TBC1D22A: variants seen among roughly 807,000 people sequenced by gnomAD.
TBC1D22A encodes the protein putative GTPase activator.
A neutral mutation model predicts 60.2 loss-of-function variants in TBC1D22A; 38 were observed. The observed-to-expected ratio is 0.63, with a 90% CI of 0.49 to 0.83. The LOEUF is 0.83. Among genes scored for constraint, TBC1D22A ranks in the 40% least tolerant of loss-of-function variants. The pLI, the probability that TBC1D22A is intolerant of heterozygous loss-of-function variation, is 0.00. For synonymous variants in TBC1D22A, 302 were observed against 281.7 expected (o/e 1.07, Z -0.72); for missense variants, 628 against 701.0 (o/e 0.90, Z 1.18).
intron 11 of TBC1D22A, among the ~76,000 whole-genome samples, chr22:47,076,341 G>GTA (rs201031048): frequency 3.0e-4 from 35 of 116,166 alleles, no homozygotes; most frequent in East Asian, 1.6e-3. Flanking sequence ...GTGTGTGTGT[G>GTA]TATATATATA....
intron 10 of TBC1D22A, among the ~76,000 whole-genome samples, chr22:47,018,681 G>A (rs746657502): frequency 6.6e-6 from 1 of 152,140 alleles, no homozygotes; most frequent in Non-Finnish European, 1.5e-5. Flanking sequence ...CGTGAGCTGG[G>A]ACACTGGCTT....
At chr22:46,824,910 G>A (rs966193932) in intron 4 of TBC1D22A, among the ~76,000 whole-genome samples, 1 of 151,992 alleles carries the variant, frequency 6.6e-6, no homozygotes, top group African/African-American at 2.4e-5. Flanking sequence ...CATCAGTCAG[G>A]GTGTCAAGTG....
intron 4 of TBC1D22A, among the ~76,000 whole-genome samples, chr22:46,826,120 A>G (rs1042415989): frequency 2.4e-4 from 37 of 151,848 alleles, no homozygotes; most frequent in African/African-American, 9.0e-4. Flanking sequence ...TGACCTCGTG[A>G]TCCGCCCACC....
intron 8 of TBC1D22A, among the ~76,000 whole-genome samples, chr22:46,969,934 G>A (rs2073980194): frequency 6.6e-6 from 1 of 152,186 alleles, no homozygotes; most frequent in Non-Finnish European, 1.5e-5. Flanking sequence ...GCTGGTTTAA[G>A]TTTCATTATT....
At chr22:47,139,041 C>T (rs2066984785) in intron 12 of TBC1D22A, among the ~76,000 whole-genome samples, 1 of 152,236 alleles carries the variant, frequency 6.6e-6, no homozygotes, top group Admixed American at 6.5e-5. Flanking sequence ...ACCAGGAGGC[C>T]AGCCCTCGCT....
chr22:46,932,876 C>T (rs2071435621), intron 8 of TBC1D22A, among the ~76,000 whole-genome samples: 1 of 152,078 alleles, frequency 6.6e-6, no homozygotes. Context: ...AGGCACCTGC[C>T]ACCACGCCTG....
At chr22:47,093,570 G>A (rs960056250) in intron 11 of TBC1D22A, among the ~76,000 whole-genome samples, 10 of 152,052 alleles carry the variant, frequency 6.6e-5, no homozygotes, top group Non-Finnish European at 1.0e-4. Context: ...CGGCTTCCCA[G>A]TGCATGTTGA....
At chr22:47,075,159 C>A (rs2064151400) in intron 11 of TBC1D22A, among the ~76,000 whole-genome samples, 1 of 147,098 alleles carries the variant, frequency 6.8e-6, no homozygotes, top group African/African-American at 2.5e-5. Flanking sequence ...GGAGGCGGAG[C>A]TTGCAGTGAG....
intron 4 of TBC1D22A, among the ~76,000 whole-genome samples, chr22:46,850,640 T>A (rs909515569): frequency 2.0e-5 from 3 of 152,188 alleles, no homozygotes; most frequent in African/African-American, 7.2e-5. Context: ...CAGTTCAACA[T>A]AGAGCTGCCA....
intron 11 of TBC1D22A, among the ~76,000 whole-genome samples, chr22:47,093,578 T>C (rs2065062118): frequency 6.6e-6 from 1 of 152,152 alleles, no homozygotes; most frequent in Non-Finnish European, 1.5e-5. Flanking sequence ...CAGTGCATGT[T>C]GATTTTTCAT....
rs4823604 is a variant in TBC1D22A at position 47,162,202 on chromosome 22, G to T, written c.1426-11296G>T. On this transcript the variant is annotated intron_variant, in intron 12 of 12. Transcript: ENST00000337137. ...CCGGGTGTTAGTTTTCATTTGAAAG[G>T]TTTTTTTTTTTTTTTAAGGTTTTGT... Among the ~76,000 whole-genome samples the T allele has an allele frequency of 5.5e-3, 797 of 146,192 alleles. 9 individuals are homozygous for T. Among genetic ancestry groups the T allele is most frequent in the South Asian group, 0.024 (111 of 4,572 alleles).
chr22:46,963,860 A>G (rs529834705), intron 8 of TBC1D22A, among the ~76,000 whole-genome samples: 1 of 152,366 alleles, frequency 6.6e-6, no homozygotes, highest in Admixed American at 6.5e-5. Flanking sequence ...GCGCAGGAGC[A>G]GGGCATGGGC....
intron 8 of TBC1D22A, among the ~76,000 whole-genome samples, chr22:46,945,177 T>G (rs562483056): frequency 6.6e-6 from 1 of 152,346 alleles, no homozygotes; most frequent in Non-Finnish European, 1.5e-5. Flanking sequence ...TTTGAAAAAC[T>G]ACTGGTGGGT....
At position 46,982,761 on chromosome 22, in the gene TBC1D22A, T is replaced by TA. The variant is rs1484638435; in HGVS notation, c.1125+8365dup. Among the ~76,000 whole-genome samples the TA allele has an allele frequency of 5.9e-5, 9 of 152,252 alleles. No individual in the cohort carries two copies. In the East Asian group the frequency reaches 1.6e-3, roughly 26 times the overall value. On this transcript the variant is annotated intron_variant, in intron 9 of 12. Coordinates refer to ENST00000337137, the MANE Select transcript of TBC1D22A (RefSeq NM_014346.5). ...GGATGAAGGAGGGGATTCAGGAGCC[T>TA]AAACTAGGTGGTGGCGGGACAGGCA...
chr22:46,869,249 A>G (rs2067197797), intron 4 of TBC1D22A, among the ~76,000 whole-genome samples: 1 of 152,212 alleles, frequency 6.6e-6, no homozygotes, highest in Non-Finnish European at 1.5e-5. Flanking sequence ...CTCACGGAGA[A>G]TCTTTCCTGA....
chr22:46,797,699 A>T, intron 4 of TBC1D22A, 79 bp downstream of exon 4: 1 of 1,397,936 alleles, frequency 7.2e-7, no homozygotes, highest in African/African-American at 1.5e-5. Context: ...AAAGGATTCT[A>T]TGTATGCTTA....
intron 1 of TBC1D22A, among the ~76,000 whole-genome samples, chr22:46,779,467 C>T (rs1337074918): frequency 6.6e-6 from 1 of 152,084 alleles, no homozygotes; most frequent in Non-Finnish European, 1.5e-5. Flanking sequence ...CCATGTTGGC[C>T]AGGCTGGTCT....
At chr22:46,982,791 C>T (rs754621038) in intron 9 of TBC1D22A, among the ~76,000 whole-genome samples, 6 of 152,110 alleles carry the variant, frequency 3.9e-5, no homozygotes, top group Non-Finnish European at 7.4e-5. Context: ...CAGGCATTGG[C>T]GGGCAGGTGC....
intron 4 of TBC1D22A, among the ~76,000 whole-genome samples, chr22:46,801,114 G>T (rs59684830): frequency 0.01 from 1,535 of 152,320 alleles, 21 homozygotes; most frequent in African/African-American, 0.035. Flanking sequence ...AGGTTGAGGG[G>T]ACTGTGGGTT....
Sources: gnomAD v4.1 joint callset for allele counts (sites outside exome capture counted in the v4.1 genomes callset) on GRCh38, gnomAD v4.1.1 for gene constraint, MANE v1.5 for transcripts, NCBI Gene and HGNC (gene_info 2026-07-23, HGNC 2026-07-21) for gene names.